The following SLC12A3 variants were observed in gnomAD, a reference collection of about 807,000 sequenced individuals.
The protein encoded by SLC12A3 is solute carrier family 12 member 3, also known as Na-Cl cotransporter.
A neutral mutation model predicts 121.0 loss-of-function variants in SLC12A3; 104 were observed. The observed-to-expected ratio is 0.86, with a 90% CI of 0.73 to 1.01. The LOEUF (loss-of-function observed/expected upper bound fraction) is 1.01, where lower values mean the gene tolerates loss of function less well. Among genes scored for constraint, SLC12A3 ranks in the 50% least tolerant of loss-of-function variants. SLC12A3 has a pLI of 0.00. For missense variants in SLC12A3, 1,328 were observed against 1,356.3 expected (o/e 0.98, Z 0.33); for synonymous variants, 536 against 533.4 (o/e 1.00, Z -0.07).
chr16:56,880,568 C>T (rs1245585299), intron 12 of SLC12A3, among the ~76,000 whole-genome samples: 6 of 152,142 alleles, frequency 3.9e-5, no homozygotes, highest in Non-Finnish European at 8.8e-5. Flanking sequence ...CAGCTAGCAT[C>T]CCCCTCCCCA....
At chr16:56,877,948 C>CT in intron 8 of SLC12A3, 129 bp from the exon 9 acceptor site, 1 of 636,230 alleles carries the variant, frequency 1.6e-6, no homozygotes, top group East Asian at 2.8e-5. Flanking sequence ...TCAGAGGTTG[C>CT]TGCCCCCAGC....
chr16:56,902,285 C>T (rs2055547718), intron 23 of SLC12A3, 88 bp from the exon 24 acceptor site: 7 of 1,539,720 alleles, frequency 4.5e-6, no homozygotes, highest in Non-Finnish European at 5.4e-6. Context: ...GGAGCTGTGG[C>T]AACACTGCCA....
chr16:56,905,319 CA>C (rs2055592720), intron 25 of SLC12A3, among the ~76,000 whole-genome samples: 1 of 95,396 alleles, frequency 1.0e-5, no homozygotes, highest in Non-Finnish European at 1.9e-5. Context: ...AGCCTGGCAA[CA>C]AGAGCGAAAC....
At chr16:56,878,918 C>T (rs551567308) in intron 9 of SLC12A3, among the ~76,000 whole-genome samples, 155 bp from the exon 10 acceptor site, 10 of 152,342 alleles carry the variant, frequency 6.6e-5, no homozygotes, top group African/African-American at 2.4e-4. Context: ...CTTATCATGG[C>T]TCCGGGCACA....
chr16:56,887,178 T>A (rs1318212022), intron 17 of SLC12A3, 85 bp downstream of exon 17: 1 of 1,577,072 alleles, frequency 6.3e-7, no homozygotes, highest in East Asian at 2.2e-5. Context: ...GCCCCTTTGC[T>A]TAAGCCCCTT....
At chr16:56,878,531 A>G (rs556252006) in intron 9 of SLC12A3, among the ~76,000 whole-genome samples, 9 of 152,204 alleles carry the variant, frequency 5.9e-5, no homozygotes, top group African/African-American at 2.2e-4. Flanking sequence ...CGCCCTTTGC[A>G]TGCCAGTCCT....
In SLC12A3 at chr16:56,894,642, C is replaced by T. The variant is rs754636609; in HGVS notation, c.2633C>T (p.Ala878Val). 1.9e-6 allele frequency: 3 copies of T among 1,611,814 alleles called. No individual in the cohort carries two copies. Among genetic ancestry groups the T allele is most frequent in the East Asian group, 2.2e-5 (1 of 44,866 alleles). ...AACAGGATGGACCAGGAGAGAAAGGCGTAAGTGTGGAGGGCTGGCCTGGGG... is the reference window on the plus strand; with the variant it reads ...AACAGGATGGACCAGGAGAGAAAGGTGTAAGTGTGGAGGGCTGGCCTGGGG... ...QINRMDQERKAIISLLSKFRL... is the reference protein window; with the variant it reads ...QINRMDQERKVIISLLSKFRL... The change falls in exon 22 of 26, where the codon GCG (alanine) becomes GTG (valine). Residue 878 changes from alanine (A) to valine (V), a missense_variant and splice_region_variant. Coordinates refer to ENST00000563236, the MANE Select transcript of SLC12A3 (RefSeq NM_001126108.2).
rs1463507030 is a variant in SLC12A3 at position 56,867,099 on chromosome 16, C to T, written c.312C>T (p.Ala104=). ...AAGGCAGACACCTGCATGCCCTGGC[C>T]TTTGACAGCCGGCCCAGCCACGAGA... ...KQEGRHLHAL[A]FDSRPSHEMT... Residue 104 remains alanine (A), a synonymous_variant, in exon 2 of 26, where the codon GCC becomes GCT. Transcript: ENST00000563236. 4 of 1,613,784 alleles carry T rather than the reference C, an allele frequency of 2.5e-6. No homozygotes were observed. Among genetic ancestry groups the T allele is most frequent in the Non-Finnish European group, 3.4e-6 (4 of 1,180,024 alleles).
chr16:56,913,376 GA>G lies in SLC12A3; in HGVS notation c.3041del (p.Asn1014ThrfsTer13). 1 of 1,614,196 alleles carries G rather than the reference GA, an allele frequency of 6.2e-7. No homozygotes were observed. The highest frequency in any genetic ancestry group is 8.5e-7 in the Non-Finnish European group (1 of 1,180,018). The stretch of plus-strand genomic sequence containing the variant: ...AGTCATCCTGATCCGAGGAAACCAG[GA>G]AAACGTGCTCACCTTTTACTGCCAG... ...PPVILIRGNQENVLTFYCQ is the reference protein window; with the variant it reads ...PPVILIRGNQXNVLTFYCQ On this transcript the variant is annotated frameshift_variant, in exon 26 of 26. Transcript: ENST00000563236. LOFTEE classifies it high-confidence loss of function.
chr16:56,890,373 C>G lies in SLC12A3; in HGVS notation c.2368+17C>G, dbSNP rs753829681. ...AGGCGCACAGTGAGTACATGCCCCA[C>G]CCACTCCCAGAAAGTTCTAGAACAC... On this transcript the variant is annotated intron_variant, in intron 19 of 25. Coordinates refer to ENST00000563236, the MANE Select transcript of SLC12A3 (RefSeq NM_001126108.2). The G allele has an allele frequency of 2.5e-6, 4 of 1,608,174 alleles. No homozygotes were observed. In the African/African-American group the frequency reaches 4.0e-5, roughly 16 times the overall value.
At position 56,908,578 on chromosome 16, in the gene SLC12A3, T is replaced by C. The variant is rs550004296; in HGVS notation, c.2924+4116T>C. 2.0e-5 allele frequency among the ~76,000 whole-genome samples: 3 copies of C among 152,298 alleles called. No individual in the cohort carries two copies. In the East Asian group the frequency reaches 5.8e-4, roughly 29 times the overall value. ...AAGACGGTGAGAGCAGGGCATTAGA[T>C]AAACAAGGGACCCTCCGGAGCAGAA... On this transcript the variant is annotated intron_variant, in intron 25 of 25. Transcript: ENST00000563236.
intron 25 of SLC12A3, chr16:56,906,862 G>A: frequency 1.6e-6 from 1 of 619,650 alleles, no homozygotes; most frequent in Non-Finnish European, 3.1e-6. Context: ...TGAAAGGAAT[G>A]CAAGAACAGA....
At chr16:56,878,025 T>TGC in intron 8 of SLC12A3, 52 bp from the exon 9 acceptor site, 2 of 651,416 alleles carry the variant, frequency 3.1e-6, no homozygotes, top group Non-Finnish European at 5.4e-6. Context: ...CCTCCGTCCC[T>TGC]CCCTCCCTCT....
chr16:56,902,449 A>T lies in SLC12A3; in HGVS notation c.2797A>T (p.Met933Leu). Reference protein sequence around the residue: ...GFKDEATVNEMRRDCPWKISD... With the variant: ...GFKDEATVNELRRDCPWKISD... ...CAAGGATGAGGCCACTGTCAACGAG[A>T]TGCGGCGGGACTGCCCCTGGAAGAT... The change falls in exon 24 of 26, where the codon ATG (methionine) becomes TTG (leucine). Residue 933 changes from methionine (M) to leucine (L), a missense_variant. Met to Leu is a conservative substitution (Grantham distance 15, BLOSUM62 2). Coordinates refer to ENST00000563236, the MANE Select transcript of SLC12A3 (RefSeq NM_001126108.2). 1 of 1,449,728 alleles carries T rather than the reference A, an allele frequency of 6.9e-7. No homozygotes were observed. Among genetic ancestry groups the T allele is most frequent in the South Asian group, 1.1e-5 (1 of 89,066 alleles). 89.8% of individuals were successfully genotyped at this position (1,449,728 alleles called of 1,614,324 possible).
intron 25 of SLC12A3, among the ~76,000 whole-genome samples, chr16:56,910,278 GTTGT>G (rs1260181597): frequency 1.4e-5 from 2 of 144,080 alleles, no homozygotes; most frequent in African/African-American, 5.4e-5. Flanking sequence ...TTTTGTTGTT[GTTGT>G]TTTTTCTCTT....
chr16:56,910,730 A>G (rs1429811278), intron 25 of SLC12A3, among the ~76,000 whole-genome samples: 1 of 152,240 alleles, frequency 6.6e-6, no homozygotes, highest in African/African-American at 2.4e-5. Flanking sequence ...AGGGTCTTGC[A>G]GACAGGAAGT....
intron 14 of SLC12A3, 152 bp from the exon 15 acceptor site, chr16:56,885,113 C>T: frequency 1.4e-6 from 1 of 692,044 alleles, no homozygotes; most frequent in East Asian, 2.7e-5. Flanking sequence ...CGCAGGCCTC[C>T]ACCTTGCAGG....
chr16:56,887,186 C>CTTT, intron 17 of SLC12A3, 93 bp downstream of exon 17: 1 of 1,546,970 alleles, frequency 6.5e-7, no homozygotes, highest in Non-Finnish European at 8.8e-7. Flanking sequence ...GCTTAAGCCC[C>CTTT]TTTTGCTGCA....
intron 15 of SLC12A3, 149 bp from the exon 16 acceptor site, chr16:56,886,215 G>T: frequency 1.6e-6 from 1 of 625,280 alleles, no homozygotes; most frequent in African/African-American, 1.8e-5. Flanking sequence ...AGTCACCCTG[G>T]ATTTATAGGT....
Sources: allele counts gnomAD v4.1 joint callset (sites outside exome capture counted in the v4.1 genomes callset), GRCh38; gene constraint gnomAD v4.1.1; transcripts MANE v1.5; gene names NCBI Gene and HGNC (gene_info 2026-07-23, HGNC 2026-07-21).